MGST1: variants seen among roughly 807,000 people sequenced by gnomAD.
MGST1 encodes microsomal glutathione S-transferase 1.
A neutral mutation model predicts 8.9 loss-of-function variants in MGST1; 5 were observed. The observed-to-expected ratio is 0.56, with a 90% CI of 0.29 to 1.19. The LOEUF (loss-of-function observed/expected upper bound fraction) is 1.19. MGST1 is among the 50% of genes most tolerant of loss of function. MGST1 has a pLI of 0.08. For synonymous variants in MGST1, 54 were observed against 67.8 expected (o/e 0.80, Z 1.00); for missense variants, 182 against 187.4 (o/e 0.97, Z 0.17).
intron 4 of MGST1, among the ~76,000 whole-genome samples, chr12:16,451,656 A>G (rs1941130249): frequency 6.6e-6 from 1 of 151,912 alleles, no homozygotes; most frequent in South Asian, 2.1e-4. Context: ...ATCACTATCT[A>G]TATTTTTTTA....
chr12:16,560,160 A>G lies in MGST1; in HGVS notation n.483-29368A>G, dbSNP rs1009759227. On this transcript the variant is annotated intron_variant and non_coding_transcript_variant, in intron 4 of 4. Coordinates refer to the MGST1 transcript ENST00000538857. The surrounding 1 kb of genome is among the most constrained non-coding windows in gnomAD (Gnocchi z 5.0). ...AATAAAAGAAGGAATGAGTAAAAGA[A>G]GTCAGAGTTTACGGTAGTGTTTCCA... 2.6e-5 allele frequency among the ~76,000 whole-genome samples: 4 copies of G among 152,218 alleles called. No homozygotes were observed. The highest frequency in any genetic ancestry group is 9.6e-5 in the African/African-American group (4 of 41,454).
chr12:16,419,365 CA>C (rs1444545635), intron 1 of MGST1, among the ~76,000 whole-genome samples: 1 of 152,086 alleles, frequency 6.6e-6, no homozygotes. Context: ...GTTTCTTCAC[CA>C]GGGGTGGGAG....
At chr12:16,527,007 C>T (rs1941691497) in intron 4 of MGST1, among the ~76,000 whole-genome samples, 1 of 152,012 alleles carries the variant, frequency 6.6e-6, no homozygotes, top group African/African-American at 2.4e-5. Context: ...CATCTACATC[C>T]ATCCTGAGCA....
chr12:16,381,395 A>T (rs1291481424), downstream of MGST1, among the ~76,000 whole-genome samples: 1 of 152,126 alleles, frequency 6.6e-6, no homozygotes, highest in Non-Finnish European at 1.5e-5. Context: ...TCTTTCACTT[A>T]TGAAGCTTAG....
rs145524433 is a variant in MGST1 at position 16,413,369 on chromosome 12, C to T, written n.779-24019C>T. Reference sequence around the variant, plus strand: ...TCCATGAATCCTGCAGCAAAAAAGACATCTGTTCATCCCGCAAGATTTTGC... The same window carrying T: ...TCCATGAATCCTGCAGCAAAAAAGATATCTGTTCATCCCGCAAGATTTTGC... On this transcript the variant is annotated intron_variant and non_coding_transcript_variant, in intron 1 of 1. Transcript: ENST00000359720. This position sits in a 1 kb window ranked among gnomAD's most constrained non-coding sequence, Gnocchi z 4.0. 6.6e-5 allele frequency among the ~76,000 whole-genome samples: 10 copies of T among 152,298 alleles called. No individual in the cohort carries two copies. The East Asian group carries it at 1.9e-3, about 29-fold the overall frequency.
At chr12:16,450,667 A>G (rs1478611301) in intron 4 of MGST1, among the ~76,000 whole-genome samples, 1 of 151,968 alleles carries the variant, frequency 6.6e-6, no homozygotes, top group Non-Finnish European at 1.5e-5. Context: ...ACACAATTTA[A>G]CACACTTTCA....
chr12:16,423,470 C>G (rs1047647571), intron 1 of MGST1, among the ~76,000 whole-genome samples: 9 of 148,424 alleles, frequency 6.1e-5, no homozygotes, highest in African/African-American at 2.2e-4. Context: ...TATTTATCCT[C>G]TAGAATTATT....
chr12:16,442,421 A>G (rs1310700022), downstream of MGST1, among the ~76,000 whole-genome samples: 1 of 151,838 alleles, frequency 6.6e-6, no homozygotes, highest in African/African-American at 2.4e-5. The surrounding 1 kb of genome is among the most constrained non-coding windows in gnomAD (Gnocchi z 4.5). Flanking sequence ...CTCCTATTTT[A>G]TCTTCTAGGA....
intron 1 of MGST1, among the ~76,000 whole-genome samples, chr12:16,419,928 C>A (rs1940819689): frequency 6.6e-6 from 1 of 152,094 alleles, no homozygotes; most frequent in African/African-American, 2.4e-5. Flanking sequence ...CTACTTGAAT[C>A]TGTGATGGAG....
chr12:16,398,524 C>A (rs557387287), intron 1 of MGST1, among the ~76,000 whole-genome samples: 1 of 152,286 alleles, frequency 6.6e-6, no homozygotes, highest in Non-Finnish European at 1.5e-5. Context: ...AGAAGCAGTA[C>A]ATGAGGCACA....
In MGST1 at chr12:16,582,734, G is replaced by T. The variant is rs1471271663; in HGVS notation, n.483-6794G>T. On this transcript the variant is annotated intron_variant and non_coding_transcript_variant, in intron 4 of 4. Transcript: ENST00000538857. The surrounding 1 kb of genome is among the most constrained non-coding windows in gnomAD (Gnocchi z 4.1). ...CCCTCACTCTTTTAAGTATCTGATT[G>T]GGATGAGACGCCCAGAAAAGAATCA... 6.6e-6 allele frequency among the ~76,000 whole-genome samples: 1 copy of T among 152,116 alleles called. No homozygotes were observed. The highest frequency in any genetic ancestry group is 1.5e-5 in the Non-Finnish European group (1 of 68,034).
At chr12:16,493,393 T>C (rs1941451321) in intron 4 of MGST1, among the ~76,000 whole-genome samples, 2 of 152,136 alleles carry the variant, frequency 1.3e-5, no homozygotes, top group Non-Finnish European at 2.9e-5. Context: ...TGGTTAGAAA[T>C]GCTCATTGTA....
chr12:16,381,279 G>A (rs1208434310), downstream of MGST1, among the ~76,000 whole-genome samples: 6 of 152,148 alleles, frequency 3.9e-5, no homozygotes, highest in East Asian at 1.9e-4. Context: ...GGCTGGTACC[G>A]GTTCTTCCTT....
rs1455638955 is a variant in MGST1 at position 16,363,766 on chromosome 12, G to A, written c.222-29G>A. ...ATACATATCTAGTATTTTGAAATTA[G>A]TGTCTTTAATAGTTATCTTTTTCCA... On this transcript the variant is annotated intron_variant, in intron 3 of 3. Transcript: ENST00000396210. The surrounding 1 kb of genome is among the most constrained non-coding windows in gnomAD (Gnocchi z 4.6). 2 of 1,514,014 alleles carry A rather than the reference G, an allele frequency of 1.3e-6. No individual in the cohort carries two copies. Among genetic ancestry groups the A allele is most frequent in the Admixed American group, 1.9e-5 (1 of 51,932 alleles). The allele number at this position is 1,514,014 out of a possible 1,614,324, so 93.8% of individuals were successfully genotyped here. A position where few individuals can be genotyped will look rare whatever the true frequency, so the allele number is the denominator to read the frequency against.
chr12:16,369,609 G>A lies in MGST1; in HGVS notation c.222-6513G>A, dbSNP rs1042087871. 3.9e-5 allele frequency among the ~76,000 whole-genome samples: 6 copies of A among 152,106 alleles called. No individual in the cohort carries two copies. The highest frequency in any genetic ancestry group is 7.2e-5 in the African/African-American group (3 of 41,432). ...TTTATAAATAATGTTTTATTGGAAC[G>A]CAGCAGTACTTACTTATTTTTATAT... On this transcript the variant is annotated intron_variant, in intron 3 of 3. Transcript: ENST00000535309. The surrounding 1 kb of genome is among the most constrained non-coding windows in gnomAD (Gnocchi z 4.8).
intron 4 of MGST1, among the ~76,000 whole-genome samples, chr12:16,515,299 A>T (rs1386397846): frequency 6.6e-6 from 1 of 152,096 alleles, no homozygotes; most frequent in East Asian, 1.9e-4. Context: ...AACCAATGTA[A>T]ATTTTTATCC....
Position 16,503,978 on chromosome 12 carries a change from T to C in MGST1, n.483-85550T>C, listed in dbSNP as rs897023055. Among the ~76,000 whole-genome samples the C allele has an allele frequency of 6.6e-6, 1 of 152,154 alleles. No individual in the cohort carries two copies. Among genetic ancestry groups the C allele is most frequent in the Non-Finnish European group, 1.5e-5 (1 of 68,026 alleles). On this transcript the variant is annotated intron_variant and non_coding_transcript_variant, in intron 4 of 4. Transcript: ENST00000538857. The surrounding 1 kb of genome is among the most constrained non-coding windows in gnomAD (Gnocchi z 4.8). The stretch of plus-strand genomic sequence containing the variant: ...CTGCTGCCCTATGCTGCTGCTTCGA[T>C]AAAAGGTGTTGTCTAACACTTCCGG...
chr12:16,389,858 G>C lies in MGST1; in HGVS notation n.778+6254G>C, dbSNP rs906002576. Among the ~76,000 whole-genome samples the C allele has an allele frequency of 1.3e-5, 2 of 152,178 alleles. No individual in the cohort carries two copies. The highest frequency in any genetic ancestry group is 1.3e-4 in the Admixed American group (2 of 15,274). ...ATGAGAGCCAGAAGCACTGGATCAG[G>C]TGCTCCCAAGGGGAAGTTGTAATGA... On this transcript the variant is annotated intron_variant and non_coding_transcript_variant, in intron 1 of 1. Transcript: ENST00000359720. The surrounding 1 kb of genome is among the most constrained non-coding windows in gnomAD (Gnocchi z 4.6).
chr12:16,441,160 C>G (rs1941035837), downstream of MGST1, among the ~76,000 whole-genome samples: 3 of 151,676 alleles, frequency 2.0e-5, no homozygotes, highest in Admixed American at 1.3e-4. Context: ...GCCTTTCTTT[C>G]TTGTTTAAAA....
Sources: allele counts gnomAD v4.1 joint callset (sites outside exome capture counted in the v4.1 genomes callset), GRCh38; gene constraint gnomAD v4.1.1; non-coding constraint Gnocchi (gnomAD v3.1); transcripts MANE v1.5; gene names NCBI Gene and HGNC (gene_info 2026-07-23, HGNC 2026-07-21).